ESR1: variants seen among roughly 807,000 people sequenced by gnomAD.
ESR1 encodes the protein estrogen receptor 1, also known as estrogen receptor.
Under a neutral mutation model 52.7 loss-of-function variants are expected in ESR1, and 12 were observed. The ratio of observed to expected loss-of-function variants is 0.23; its 90% CI spans 0.15 to 0.37. The LOEUF is 0.37. Among genes scored for constraint, ESR1 ranks in the 10% least tolerant of loss-of-function variants. The pLI is 1.00. For missense variants in ESR1, 584 were observed against 779.7 expected, an observed-to-expected ratio of 0.75 and a Z score of 2.99; for synonymous variants, 305 against 316.8, an observed-to-expected ratio of 0.96 and a Z score of 0.39.
At chr6:151,886,974 G>A (rs1386794611) in intron 3 of ESR1, among the ~76,000 whole-genome samples, 1 of 151,328 alleles carries the variant, frequency 6.6e-6, no homozygotes, top group African/African-American at 2.4e-5. Flanking sequence ...TCAGGAGACG[G>A]AGGTTGCAGT....
chr6:152,058,111 T>G (rs1443929341), intron 5 of ESR1, among the ~76,000 whole-genome samples: 1 of 152,158 alleles, frequency 6.6e-6, no homozygotes, highest in African/African-American at 2.4e-5. Flanking sequence ...GAAAGGAACA[T>G]TTCTCTATTT....
At chr6:152,059,028 A>G (rs1309470048) in intron 5 of ESR1, among the ~76,000 whole-genome samples, 1 of 152,204 alleles carries the variant, frequency 6.6e-6, no homozygotes, top group African/African-American at 2.4e-5. Flanking sequence ...TGTGAAAAAG[A>G]AAACTAATGA....
intron 2 of ESR1, among the ~76,000 whole-genome samples, chr6:151,855,357 C>T (rs1787629631): frequency 6.6e-6 from 1 of 152,068 alleles, no homozygotes; most frequent in South Asian, 2.1e-4. Flanking sequence ...GATTACTCTT[C>T]CTATTCTACA....
At chr6:151,731,686 A>G (rs570790657) in intron 2 of ESR1, among the ~76,000 whole-genome samples, 1 of 152,350 alleles carries the variant, frequency 6.6e-6, no homozygotes. Context: ...CACATGGAAT[A>G]ATAGACATGT....
intron 6 of ESR1, among the ~76,000 whole-genome samples, chr6:152,086,547 G>A (rs570434772): frequency 6.6e-6 from 1 of 150,828 alleles, no homozygotes; most frequent in South Asian, 2.1e-4. Flanking sequence ...TTTTTCTCAA[G>A]TCAACTGAAC....
intron 5 of ESR1, among the ~76,000 whole-genome samples, chr6:152,024,243 T>C (rs955084318): frequency 5.3e-5 from 8 of 152,294 alleles, no homozygotes; most frequent in South Asian, 2.1e-4. Context: ...TGTTCATCTG[T>C]TAATGGATCA....
chr6:152,075,811 G>A (rs532593584), intron 6 of ESR1, among the ~76,000 whole-genome samples: 87 of 152,234 alleles, frequency 5.7e-4, no homozygotes, highest in Non-Finnish European at 1.0e-3. Flanking sequence ...TGCTCAGATC[G>A]TATGTCATTT....
intron 2 of ESR1, among the ~76,000 whole-genome samples, chr6:151,766,734 C>A (rs970299667): frequency 1.3e-5 from 2 of 152,028 alleles, no homozygotes; most frequent in African/African-American, 4.8e-5. Context: ...AAATGGATTG[C>A]TAATGAGGGT....
At chr6:152,118,376 T>A (rs979021583) in intron 6 of ESR1, 5 of 152,100 alleles carry the variant, frequency 3.3e-5, no homozygotes, top group African/African-American at 1.2e-4. Flanking sequence ...AATGATAGAC[T>A]GGATAAAGAA....
chr6:151,662,011 G>A (rs949012498), intron 1 of ESR1, among the ~76,000 whole-genome samples: 1 of 152,100 alleles, frequency 6.6e-6, no homozygotes, highest in African/African-American at 2.4e-5. Flanking sequence ...CACACAGCAG[G>A]GTCCTGGTGT....
At chr6:151,748,222 C>A (rs1237812534) in intron 2 of ESR1, among the ~76,000 whole-genome samples, 1 of 152,104 alleles carries the variant, frequency 6.6e-6, no homozygotes, top group Non-Finnish European at 1.5e-5. Context: ...TTGAAACATG[C>A]AGAAAGTATT....
At chr6:151,803,515 G>A (rs1777467581), upstream of ESR1, among the ~76,000 whole-genome samples, 1 of 152,178 alleles carries the variant, frequency 6.6e-6, no homozygotes, top group Non-Finnish European at 1.5e-5. Context: ...TATGGGCAGA[G>A]AGGAAGCCCT....
At chr6:151,683,712 T>C (rs1267861344) in intron 1 of ESR1, among the ~76,000 whole-genome samples, 3 of 151,636 alleles carry the variant, frequency 2.0e-5, no homozygotes, top group East Asian at 3.9e-4. Flanking sequence ...TTTCTTTTTT[T>C]TTTTGAGATA....
chr6:151,899,980 T>C (rs1208205023), intron 3 of ESR1, among the ~76,000 whole-genome samples: 1 of 151,728 alleles, frequency 6.6e-6, no homozygotes. Flanking sequence ...CGCTCCTCAC[T>C]TCCCAGACGG....
rs558302170 is a variant in ESR1 at position 151,693,929 on chromosome 6, T to C, written c.-202+3265T>C. On this transcript the variant is annotated intron_variant, in intron 1 of 2. Transcript: ENST00000404742. ...CAGCATACCCGGTTGTATGCTGATG[T>C]TCTAATTCAATGTGATACCAAAGAC... 9.2e-5 allele frequency among the ~76,000 whole-genome samples: 14 copies of C among 152,284 alleles called. No homozygotes were observed. The South Asian group carries it at 2.7e-3, about 29-fold the overall frequency.
intron 5 of ESR1, among the ~76,000 whole-genome samples, chr6:152,012,861 TACTTTACTTCAGAGCATTTC>T (rs2042892660): frequency 1.3e-5 from 2 of 152,226 alleles, no homozygotes; most frequent in South Asian, 4.1e-4. Context: ...CTCTGCATGG[TACTTTACTTCAGAGCATTTC>T]ACTATCTTTC....
intron 1 of ESR1, among the ~76,000 whole-genome samples, chr6:151,683,273 C>A (rs934943218): frequency 6.6e-6 from 1 of 151,926 alleles, no homozygotes; most frequent in African/African-American, 2.4e-5. Context: ...TTTACAAGCC[C>A]AGGTGGGTGT....
chr6:151,720,882 T>C (rs1781406832), intron 2 of ESR1, among the ~76,000 whole-genome samples: 1 of 152,246 alleles, frequency 6.6e-6, no homozygotes, highest in South Asian at 2.1e-4. Flanking sequence ...TTATTTTCTT[T>C]TGAATTTCAT....
intron 2 of ESR1, among the ~76,000 whole-genome samples, chr6:151,843,312 C>A (rs1477782524): frequency 2.6e-5 from 4 of 152,182 alleles, no homozygotes; most frequent in African/African-American, 9.7e-5. Flanking sequence ...TTGCTATGAG[C>A]TGACTCAGTG....
Sources: allele counts gnomAD v4.1 joint callset (sites outside exome capture counted in the v4.1 genomes callset), GRCh38; gene constraint gnomAD v4.1.1; transcripts MANE v1.5; gene names NCBI Gene and HGNC (gene_info 2026-07-23, HGNC 2026-07-21).